The following DTL variants were observed in gnomAD, a reference collection of about 807,000 sequenced individuals.
The protein encoded by DTL is denticleless E3 ubiquitin protein ligase adapter, also known as denticleless protein homolog.
In DTL, 46 loss-of-function variants were observed where a neutral mutation model predicts 87.0. That is an observed-to-expected ratio of 0.53 (90% confidence interval 0.42 to 0.68). The LOEUF (loss-of-function observed/expected upper bound fraction) is 0.68, where lower values mean the gene tolerates loss of function less well. DTL is among the 30% of genes least tolerant of loss of function. DTL has a pLI of 0.00. For missense variants in DTL, 737 were observed against 869.4 expected (o/e 0.85, Z 1.91); for synonymous variants, 308 against 311.2 (o/e 0.99, Z 0.11).
chr1:212,083,886 T>C (rs1655054126), intron 13 of DTL, among the ~76,000 whole-genome samples: 1 of 152,176 alleles, frequency 6.6e-6, no homozygotes, highest in African/African-American at 2.4e-5. Flanking sequence ...TGACTCTTAC[T>C]GGCCAACAAT....
chr1:212,078,041 C>T, intron 11 of DTL, 132 bp from the exon 12 acceptor site: 1 of 491,272 alleles, frequency 2.0e-6, no homozygotes, highest in Non-Finnish European at 3.7e-6. Context: ...TTTTTCCTAA[C>T]TATAGCTAGG....
At chr1:212,040,458 A>G (rs1667602543) in intron 1 of DTL, among the ~76,000 whole-genome samples, 1 of 152,232 alleles carries the variant, frequency 6.6e-6, no homozygotes, top group Admixed American at 6.5e-5. Context: ...TAAGAGATTA[A>G]CAATAACTAA....
intron 13 of DTL, among the ~76,000 whole-genome samples, chr1:212,090,004 G>A (rs545345364): frequency 9.2e-5 from 14 of 152,214 alleles, no homozygotes; most frequent in Middle Eastern, 3.4e-3. Flanking sequence ...AACCTGCACC[G>A]AGGAGTGCAG....
At chr1:212,093,365 CCT>C (rs1386969926) in intron 13 of DTL, among the ~76,000 whole-genome samples, 1 of 152,178 alleles carries the variant, frequency 6.6e-6, no homozygotes, top group Non-Finnish European at 1.5e-5. Flanking sequence ...CTATTAGACC[CCT>C]GCCTTATCGC....
rs1169755501 is a variant in DTL, at chr1:212,100,598, G to A, written c.1608G>A (p.Gln536=). 6.2e-6 allele frequency: 10 copies of A among 1,613,946 alleles called. No individual in the cohort carries two copies. In the African/African-American group the frequency reaches 1.2e-4, roughly 19 times the overall value. ...GAAAAGCCCTTATTCCTGTGAGCCAGAAGTCATCCCAAGCAGAGGCTTGCT... is the reference window on the plus strand; with the variant it reads ...GAAAAGCCCTTATTCCTGTGAGCCAAAAGTCATCCCAAGCAGAGGCTTGCT... ...SPRKALIPVS[Q]KSSQAEACSE... Residue 536 remains glutamine (Q), a synonymous_variant, in exon 14 of 15, where the codon CAG becomes CAA. Coordinates refer to ENST00000366991, the MANE Select transcript of DTL (RefSeq NM_016448.4).
At chr1:212,049,999 A>G (rs1182765001) in intron 5 of DTL, among the ~76,000 whole-genome samples, 1 of 3,470 alleles carries the variant, frequency 2.9e-4, no homozygotes, top group Non-Finnish European at 5.8e-3. Flanking sequence ...TAACATAGTG[A>G]GACCCTATAA....
At chr1:212,077,678 G>A (rs1448895130) in intron 11 of DTL, 3 of 153,950 alleles carry the variant, frequency 1.9e-5, no homozygotes, top group African/African-American at 7.2e-5. Context: ...TGTCCGAAGA[G>A]AGCTGGTAGC....
At chr1:212,074,032 A>G (rs1654757651) in intron 11 of DTL, among the ~76,000 whole-genome samples, 1 of 151,952 alleles carries the variant, frequency 6.6e-6, no homozygotes, top group South Asian at 2.1e-4. Context: ...TGTATCTTTT[A>G]AGGTTTGTTT....
Position 212,072,104 on chromosome 1 carries a change from C to T in DTL, c.926C>T (p.Ala309Val). ...TTTGGTTTTTTTCCTCTGGCAGTGG[C>T]TATTTTCAATGGACACCAGAACTCT... Reference protein sequence around the residue: ...NMTGLKTSPVAIFNGHQNSTF... With the variant: ...NMTGLKTSPVVIFNGHQNSTF... The change falls in exon 11 of 15, where the codon GCT becomes GTT. Residue 309 changes from alanine (A) to valine (V), a missense_variant. Coordinates refer to ENST00000366991, the MANE Select transcript of DTL (RefSeq NM_016448.4). 6.2e-7 allele frequency: 1 copy of T among 1,613,538 alleles called. No homozygotes were observed. The highest frequency in any genetic ancestry group is 8.5e-7 in the Non-Finnish European group (1 of 1,179,630).
At chr1:212,076,005 A>G (rs1032395307) in intron 11 of DTL, among the ~76,000 whole-genome samples, 7 of 152,188 alleles carry the variant, frequency 4.6e-5, no homozygotes, top group Non-Finnish European at 8.8e-5. Context: ...ACTTAGCATA[A>G]TATCGAGGTT....
At chr1:212,062,781 C>T (rs1022581664) in intron 5 of DTL, 103 bp from the exon 6 acceptor site, 36 of 816,066 alleles carry the variant, frequency 4.4e-5, no homozygotes, top group Non-Finnish European at 6.8e-5. Context: ...GTGACAGATA[C>T]AGTACCTAGC....
At chr1:212,041,008 C>T (rs1198467179) in intron 1 of DTL, among the ~76,000 whole-genome samples, 1 of 152,182 alleles carries the variant, frequency 6.6e-6, no homozygotes, top group Non-Finnish European at 1.5e-5. Flanking sequence ...TCTGAAAACT[C>T]TCATGTTCTT....
At chr1:212,045,457 T>C (rs552815865) in intron 3 of DTL, among the ~76,000 whole-genome samples, 49 of 152,362 alleles carry the variant, frequency 3.2e-4, no homozygotes, top group Non-Finnish European at 6.0e-4. Flanking sequence ...AAAATACTTA[T>C]ATTAATCAAG....
At chr1:212,087,038 G>A (rs888216287) in intron 13 of DTL, among the ~76,000 whole-genome samples, 7 of 152,154 alleles carry the variant, frequency 4.6e-5, no homozygotes, top group Admixed American at 3.3e-4. Flanking sequence ...TAATAACAAC[G>A]TTTAGCCACT....
rs200093713 is a variant in DTL, at chr1:212,102,852, C to T, written c.2105C>T (p.Thr702Met). 4.3e-6 allele frequency: 7 copies of T among 1,610,398 alleles called. No homozygotes were observed. Among genetic ancestry groups the T allele is most frequent in the African/African-American group, 2.7e-5 (2 of 74,852 alleles). ...GKKLPSPVTI[T>M]PSSMRKICTY... ...ACTTTCTTCTTCTAGGTCACCATCA[C>T]GCCCAGCTCCATGAGGAAAATCTGC... is the stretch of plus-strand genomic sequence containing the variant. The change falls in exon 15 of 15, where the codon ACG (threonine) becomes ATG (methionine). Residue 702 changes from threonine (T) to methionine (M), a missense_variant. By Grantham distance (81) the Thr-to-Met change is moderately conservative (BLOSUM62 -1). Transcript: ENST00000366991.
chr1:212,086,095 T>G (rs1015668903), intron 13 of DTL, among the ~76,000 whole-genome samples: 1 of 152,246 alleles, frequency 6.6e-6, no homozygotes, highest in African/African-American at 2.4e-5. Flanking sequence ...TCTCGACTGT[T>G]CTGGGTCTCT....
In DTL at chr1:212,103,764, A is replaced by C. The variant is rs776282290; in HGVS notation, c.*824A>C. The stretch of plus-strand genomic sequence containing the variant: ...TAGAGGAAGATGTTTTATGAAATCA[A>C]TTTGGGGTTTGAATTCAGGTGCAGT... On this transcript the variant is annotated 3_prime_UTR_variant, in exon 15 of 15. Transcript: ENST00000366991. 4 of 152,152 alleles carry C rather than the reference A, an allele frequency of 2.6e-5. No homozygotes were observed. The highest frequency in any genetic ancestry group is 7.2e-5 in the African/African-American group (3 of 41,432). 9.4% of individuals were successfully genotyped at this position (152,152 alleles called of 1,614,324 possible).
At position 212,068,589 on chromosome 1, in the gene DTL, CT is replaced by C; in HGVS notation, c.818-5del. 3 of 1,594,590 alleles carry C rather than the reference CT, an allele frequency of 1.9e-6. No individual in the cohort carries two copies. Among genetic ancestry groups the C allele is most frequent in the Non-Finnish European group, 2.6e-6 (3 of 1,163,322 alleles). On this transcript the variant is annotated splice_polypyrimidine_tract_variant and intron_variant, in intron 9 of 14. Transcript: ENST00000366991. Reference sequence around the variant, plus strand: ...ATCAGGACGTGCTAACTTAAGTTTCCTTTTTCCAGGATATTCAAGTCTGATT... The same window carrying C: ...ATCAGGACGTGCTAACTTAAGTTTCCTTTTCCAGGATATTCAAGTCTGATT...
At chr1:212,101,152 G>C (rs1020855588) in intron 14 of DTL, 68 bp downstream of exon 14, 4 of 964,368 alleles carry the variant, frequency 4.1e-6, no homozygotes, top group Non-Finnish European at 5.7e-6. Flanking sequence ...GATGTCTCAA[G>C]TCAGGATGCT....
Sources: allele counts gnomAD v4.1 joint callset (sites outside exome capture counted in the v4.1 genomes callset), GRCh38; gene constraint gnomAD v4.1.1; transcripts MANE v1.5; gene names NCBI Gene and HGNC (gene_info 2026-07-23, HGNC 2026-07-21).